The following BRCA1 variants were observed in gnomAD, a reference collection of about 807,000 sequenced individuals.
The protein encoded by BRCA1 is BRCA1 DNA repair associated.
BRCA1 carries 140 observed loss-of-function variants against 173.7 expected under a neutral mutation model. The observed-to-expected ratio is 0.81, with a 90% CI of 0.70 to 0.93. The LOEUF (loss-of-function observed/expected upper bound fraction) is 0.93. Among genes scored for constraint, BRCA1 ranks in the 40% least tolerant of loss-of-function variants. BRCA1 has a pLI of 0.00. For missense variants in BRCA1, 1,983 were observed against 2,172.5 expected (o/e 0.91, Z 1.73); for synonymous variants, 662 against 756.0 (o/e 0.88, Z 2.04).
At chr17:43,142,991 T>A (rs1309974576) in intron 1 of BRCA1, among the ~76,000 whole-genome samples, 1 of 149,318 alleles carries the variant, frequency 6.7e-6, no homozygotes. Flanking sequence ...TATATATATA[T>A]GTATATATGT....
intron 11 of BRCA1, among the ~76,000 whole-genome samples, chr17:43,083,400 C>G (rs1360670596): frequency 2.0e-5 from 3 of 152,252 alleles, no homozygotes; most frequent in African/African-American, 7.2e-5. Flanking sequence ...AAGTGATCAG[C>G]CCGCCTCGGC....
At chr17:43,097,131 C>A in intron 8 of BRCA1, 113 bp downstream of exon 8, 1 of 1,112,510 alleles carries the variant, frequency 9.0e-7, no homozygotes, top group Non-Finnish European at 1.3e-6. Flanking sequence ...CACATACATC[C>A]CTGAACCTAA....
At chr17:43,135,388 C>T (rs1254722638) in intron 1 of BRCA1, among the ~76,000 whole-genome samples, 2 of 152,246 alleles carry the variant, frequency 1.3e-5, no homozygotes, top group African/African-American at 4.8e-5. Context: ...GTTGCTGTGG[C>T]GGTAGCTCAC....
intron 1 of BRCA1, among the ~76,000 whole-genome samples, chr17:43,151,643 A>G (rs2056162585): frequency 6.6e-6 from 1 of 151,640 alleles, no homozygotes; most frequent in African/African-American, 2.4e-5. Context: ...TAATCCCAAC[A>G]TTTTGGGAGG....
At chr17:43,142,731 T>C (rs1167476515) in intron 1 of BRCA1, among the ~76,000 whole-genome samples, 1 of 152,188 alleles carries the variant, frequency 6.6e-6, no homozygotes, top group East Asian at 1.9e-4. Flanking sequence ...CTATTTAGTC[T>C]TGTGCTTTAC....
chr17:43,100,688 T>TATATATATATA (rs1567807858), intron 6 of BRCA1, among the ~76,000 whole-genome samples: 6 of 98,824 alleles, frequency 6.1e-5, no homozygotes, highest in African/African-American at 2.7e-4. Context: ...AATATATATA[T>TATATATATATA]ATATATATAT....
rs28897686 is a variant in BRCA1, at chr17:43,091,783, C to A, written c.3748G>T (p.Glu1250Ter). 4 of 1,614,150 alleles carry A rather than the reference C, an allele frequency of 2.5e-6. No individual in the cohort carries two copies. Among genetic ancestry groups the A allele is most frequent in the Non-Finnish European group, 3.4e-6 (4 of 1,179,998 alleles). The change falls in exon 10 of 23, where the codon GAG (glutamate) becomes TAG (stop). Residue 1250 changes from glutamate to a stop codon, truncating the protein, a stop_gained. Coordinates refer to ENST00000357654, the MANE Select transcript of BRCA1 (RefSeq NM_007294.4). LOFTEE classifies it high-confidence loss of function. ...TCCTCTGTGTTCTTAGACAGACACT[C>A]GGTAGCAACGGTGCTATGCCTAGTA... ...QSTRHSTVAT[E>*]CLSKNTEENL... is the part of the protein sequence containing the mutation.
chr17:43,072,998 T>G (rs1438937160), intron 14 of BRCA1, among the ~76,000 whole-genome samples: 1 of 151,786 alleles, frequency 6.6e-6, no homozygotes, highest in Admixed American at 6.6e-5. Flanking sequence ...ATTACAGGCA[T>G]GAGCAGTGGC....
chr17:43,058,689 T>C (rs1238127530), intron 18 of BRCA1, among the ~76,000 whole-genome samples: 2 of 152,188 alleles, frequency 1.3e-5, no homozygotes, highest in Non-Finnish European at 2.9e-5. Context: ...AAATTCCCTA[T>C]CTCCTAAATC....
intron 2 of BRCA1, among the ~76,000 whole-genome samples, chr17:43,117,651 A>G (rs1417662660): frequency 1.3e-5 from 2 of 152,120 alleles, no homozygotes; most frequent in African/African-American, 4.8e-5. Flanking sequence ...AGGCAGGAGA[A>G]TCGCTTGAAC....
chr17:43,104,336 G>A (rs2154550524), intron 5 of BRCA1, 75 bp from the exon 6 acceptor site: 1 of 1,472,666 alleles, frequency 6.8e-7, no homozygotes, highest in African/African-American at 1.4e-5. Flanking sequence ...GAAACCAAGA[G>A]AAACCCTATG....
At chr17:43,126,769 C>T (rs1348982988), upstream of BRCA1, among the ~76,000 whole-genome samples, 1 of 150,468 alleles carries the variant, frequency 6.6e-6, no homozygotes, top group Admixed American at 6.8e-5. Context: ...CCCGCCACTG[C>T]GCTGTGGGGG....
At chr17:43,119,490 T>C (rs1180423692) in intron 2 of BRCA1, among the ~76,000 whole-genome samples, 2 of 152,150 alleles carry the variant, frequency 1.3e-5, no homozygotes, top group Admixed American at 1.3e-4. Flanking sequence ...TGAACCTGTT[T>C]CCTTCTCTTG....
intron 1 of BRCA1, among the ~76,000 whole-genome samples, chr17:43,168,884 GC>G (rs1191125327): frequency 3.9e-5 from 6 of 151,986 alleles, no homozygotes; most frequent in Non-Finnish European, 7.4e-5. Flanking sequence ...TCTTTTTCTT[GC>G]ATAAAACCAA....
At chr17:43,130,218 G>C (rs2055953856), upstream of BRCA1, among the ~76,000 whole-genome samples, 1 of 152,138 alleles carries the variant, frequency 6.6e-6, no homozygotes, top group South Asian at 2.1e-4. Flanking sequence ...GTCCGGCTTT[G>C]TTGCCCAGGC....
At chr17:43,119,361 T>A (rs372536342) in intron 2 of BRCA1, 1 of 223,776 alleles carries the variant, frequency 4.5e-6, no homozygotes, top group African/African-American at 2.2e-5. Flanking sequence ...CTTGTAATCA[T>A]GGGGTTTTTG....
Position 43,071,101 on chromosome 17 carries a change from A to G in BRCA1, c.4813T>C (p.Leu1605=), listed in dbSNP as rs80356833. Residue 1605 remains leucine (L), a synonymous_variant, in exon 15 of 23, where the codon TTG becomes CTG. Transcript: ENST00000357654. ...CTCTGGGCAGATTCTGCAACTTTCA[A>G]TTGGGGAACTTTCAATGCAGAGGTT... ...SSTSALKVPQ[L]KVAESAQSPA... The G allele has an allele frequency of 4.4e-5, 71 of 1,614,088 alleles. No homozygotes were observed. The African/African-American group carries it at 6.4e-4, about 15-fold the overall frequency.
chr17:43,142,593 G>A (rs1208276432), intron 1 of BRCA1: 2 of 152,146 alleles, frequency 1.3e-5, no homozygotes, highest in African/African-American at 4.8e-5. Context: ...TTATCTGTCA[G>A]ATGATGATTT....
chr17:43,144,861 G>A, intron 1 of BRCA1: 1 of 513,390 alleles, frequency 1.9e-6, no homozygotes, highest in South Asian at 1.6e-5. Context: ...TCCGGTGGCG[G>A]GAGGAGTGGC....
Sources: gnomAD v4.1 joint callset for allele counts (sites outside exome capture counted in the v4.1 genomes callset) on GRCh38, gnomAD v4.1.1 for gene constraint, MANE v1.5 for transcripts, NCBI Gene and HGNC (gene_info 2026-07-23, HGNC 2026-07-21) for gene names.